The following RGS6 variants were observed in gnomAD, a reference collection of about 807,000 sequenced individuals.
The protein encoded by RGS6 is regulator of G protein signaling 6.
A neutral mutation model predicts 78.5 loss-of-function variants in RGS6; 30 were observed. The observed-to-expected ratio is 0.38, with a 90% confidence interval of 0.29 to 0.52. The LOEUF is 0.52. RGS6 is among the 20% of genes least tolerant of loss of function. The pLI, the probability that RGS6 is intolerant of heterozygous loss-of-function variation, is 0.85. For missense variants in RGS6, 495 were observed against 609.7 expected (o/e 0.81, Z 1.98); for synonymous variants, 206 against 206.0 (o/e 1.00, Z 0.00).
At chr14:72,581,155 GC>G in the RGS6 span, among the ~76,000 whole-genome samples, 1 of 152,094 alleles carries the variant, frequency 6.6e-6, no homozygotes, top group Non-Finnish European at 1.5e-5. Flanking sequence ...AGTGGATGAA[GC>G]CCCCTGCCCA....
chr14:72,142,618 C>CTGA (rs931269799), intron 2 of RGS6, among the ~76,000 whole-genome samples: 2 of 152,180 alleles, frequency 1.3e-5, no homozygotes, highest in African/African-American at 4.8e-5. Context: ...GAGGCATCAG[C>CTGA]TGATGGTCAG....
intron 1 of RGS6, among the ~76,000 whole-genome samples, chr14:71,934,413 T>G (rs1566859643): frequency 6.6e-6 from 1 of 152,220 alleles, no homozygotes; most frequent in Non-Finnish European, 1.5e-5. Flanking sequence ...CACCAGTGTT[T>G]CCTTTTATAT....
chr14:72,396,898 G>A (rs201689357), intron 3 of RGS6, among the ~76,000 whole-genome samples: 1 of 152,036 alleles, frequency 6.6e-6, no homozygotes, highest in Non-Finnish European at 1.5e-5. Flanking sequence ...TTTTCCATTG[G>A]TCTATATCTC....
intron 2 of RGS6, among the ~76,000 whole-genome samples, chr14:72,211,191 T>C (rs1484496009): frequency 6.6e-6 from 1 of 152,062 alleles, no homozygotes; most frequent in Non-Finnish European, 1.5e-5. Flanking sequence ...TTTTGAAGAA[T>C]CAGAAAGATA....
intron 2 of RGS6, among the ~76,000 whole-genome samples, chr14:72,274,167 A>G (rs958427462): frequency 2.0e-5 from 3 of 152,168 alleles, no homozygotes; most frequent in African/African-American, 4.8e-5. Context: ...CTCCAGGCAG[A>G]TCTACAGTGA....
chr14:72,544,423 A>T (rs1450706447), intron 17 of RGS6, among the ~76,000 whole-genome samples: 2 of 152,140 alleles, frequency 1.3e-5, no homozygotes, highest in Non-Finnish European at 2.9e-5. Context: ...TGAGAGCTTC[A>T]TCAGCTCCAG....
intron 15 of RGS6, among the ~76,000 whole-genome samples, chr14:72,529,698 T>C (rs1205177914): frequency 1.3e-5 from 2 of 152,190 alleles, no homozygotes; most frequent in Non-Finnish European, 2.9e-5. Flanking sequence ...TTTCTGTCTC[T>C]CTACACAGAT....
intron 2 of RGS6, among the ~76,000 whole-genome samples, chr14:72,013,614 C>T (rs956366169): frequency 2.0e-5 from 3 of 152,202 alleles, no homozygotes; most frequent in African/African-American, 7.2e-5. Flanking sequence ...TTTCACTTTA[C>T]TATTTGTGTA....
chr14:72,241,889 G>A (rs2052945858), intron 2 of RGS6, among the ~76,000 whole-genome samples: 1 of 152,212 alleles, frequency 6.6e-6, no homozygotes, highest in African/African-American at 2.4e-5. Context: ...TCTTACTGCG[G>A]CCATGCCATT....
intron 2 of RGS6, among the ~76,000 whole-genome samples, chr14:71,989,509 GC>G (rs1555419681): frequency 6.6e-6 from 1 of 152,174 alleles, no homozygotes; most frequent in Non-Finnish European, 1.5e-5. Context: ...TTTGTAAAAG[GC>G]CTGTGAAAAA....
intron 17 of RGS6, among the ~76,000 whole-genome samples, chr14:72,544,096 G>T (rs2097361233): frequency 6.6e-6 from 1 of 152,180 alleles, no homozygotes; most frequent in African/African-American, 2.4e-5. Context: ...GGGGTGGGGG[G>T]CCTCACCAAA....
intron 2 of RGS6, among the ~76,000 whole-genome samples, chr14:71,974,870 G>A (rs1282812558): frequency 2.0e-5 from 3 of 152,210 alleles, no homozygotes; most frequent in African/African-American, 4.8e-5. Context: ...GGCCAGGCAC[G>A]TTGGCTTACG....
At chr14:72,343,416 C>G (rs953726469) in intron 2 of RGS6, among the ~76,000 whole-genome samples, 55 of 152,204 alleles carry the variant, frequency 3.6e-4, no homozygotes, top group African/African-American at 1.2e-3. Context: ...AGGTCTTCTG[C>G]TTTCAAGGAC....
intron 12 of RGS6, among the ~76,000 whole-genome samples, chr14:72,482,001 A>G (rs2096390446): frequency 6.6e-6 from 1 of 151,826 alleles, no homozygotes; most frequent in African/African-American, 2.4e-5. Flanking sequence ...TAGTAGAGAC[A>G]TGGTTTCACC....
At chr14:72,457,259 A>C (rs2153231839) in intron 4 of RGS6, among the ~76,000 whole-genome samples, 1 of 152,358 alleles carries the variant, frequency 6.6e-6, no homozygotes, top group South Asian at 2.1e-4. Flanking sequence ...GTTTGCAAGT[A>C]AAGCCAAAAC....
intron 2 of RGS6, among the ~76,000 whole-genome samples, chr14:72,073,339 G>T (rs2094470600): frequency 6.6e-6 from 1 of 152,168 alleles, no homozygotes; most frequent in South Asian, 2.1e-4. Flanking sequence ...TTAAGTTCCT[G>T]CAGCATATTT....
chr14:72,179,280 A>G (rs1473816420), intron 2 of RGS6, among the ~76,000 whole-genome samples: 1 of 152,128 alleles, frequency 6.6e-6, no homozygotes, highest in African/African-American at 2.4e-5. Flanking sequence ...CCCAGGTGGG[A>G]TGGGGCATGC....
chr14:72,171,027 T>G (rs1047841217), intron 2 of RGS6, among the ~76,000 whole-genome samples: 5 of 152,234 alleles, frequency 3.3e-5, no homozygotes, highest in Non-Finnish European at 7.3e-5. Context: ...GAAATCTAGG[T>G]AATTTTTGCT....
At chr14:72,299,204 G>T (rs1456226350) in intron 2 of RGS6, among the ~76,000 whole-genome samples, 2 of 152,214 alleles carry the variant, frequency 1.3e-5, no homozygotes, top group South Asian at 4.1e-4. Context: ...AAGAGATTTA[G>T]CTATACAGCT....
Sources: allele counts gnomAD v4.1 joint callset (sites outside exome capture counted in the v4.1 genomes callset), GRCh38; gene constraint gnomAD v4.1.1; transcripts MANE v1.5; gene names NCBI Gene and HGNC (gene_info 2026-07-23, HGNC 2026-07-21).